The following TSC2 variants were observed in gnomAD, a reference collection of about 807,000 sequenced individuals.
TSC2 encodes the protein tuberin.
Under a neutral mutation model 202.2 loss-of-function variants are expected in TSC2, and 29 were observed. The observed-to-expected ratio is 0.14, with a 90% confidence interval of 0.11 to 0.20. The LOEUF (loss-of-function observed/expected upper bound fraction) is 0.20, where lower values mean the gene tolerates loss of function less well. TSC2 is among the 10% of genes least tolerant of loss of function. The pLI is 1.00. For missense variants in TSC2, 2,429 were observed against 2,420.0 expected (o/e 1.00, Z -0.08); for synonymous variants, 1,349 against 1,044.0 (o/e 1.29, Z -5.63).
At position 2,067,675 on chromosome 16, in the gene TSC2, C is replaced by T. The variant is rs187901779; in HGVS notation, c.1716+2040C>T. ...GTCCCAGCTACTCGGGAGGCTGAGG[C>T]AGGAGAATCACTTGAACCCATGAGG... On this transcript the variant is annotated intron_variant, in intron 16 of 41. Coordinates refer to ENST00000219476, the MANE Select transcript of TSC2 (RefSeq NM_000548.5). 3.3e-5 allele frequency among the ~76,000 whole-genome samples: 5 copies of T among 152,296 alleles called. No homozygotes were observed. The East Asian group carries it at 9.7e-4, about 30-fold the overall frequency.
rs45517121 is a variant in TSC2 at position 2,056,662 on chromosome 16, G to T, written c.667G>T (p.Asp223Tyr). The change falls in exon 8 of 42, where the codon GAC becomes TAC. Residue 223 changes from aspartate (D) to tyrosine (Y), a missense_variant. Transcript: ENST00000219476. ...CCACCAGGTCTCCCTGCAGGTGCTG[G>T]ACGCCGTGGTCTGCTACAACTGCCT... Reference protein sequence around the residue: ...VDIEVSLQVLDAVVCYNCLPA... With the variant: ...VDIEVSLQVLYAVVCYNCLPA... 1 of 1,611,698 alleles carries T rather than the reference G, an allele frequency of 6.2e-7. No homozygotes were observed. The highest frequency in any genetic ancestry group is 8.5e-7 in the Non-Finnish European group (1 of 1,180,016).
intron 16 of TSC2, among the ~76,000 whole-genome samples, chr16:2,069,097 G>C (rs145411689): frequency 6.6e-6 from 1 of 152,218 alleles, no homozygotes; most frequent in Non-Finnish European, 1.5e-5. Context: ...TCGAGGGTCA[G>C]AGAGTTTGCA....
At chr16:2,081,501 C>G in intron 30 of TSC2, 94 bp from the exon 31 acceptor site, 2 of 1,537,102 alleles carry the variant, frequency 1.3e-6, no homozygotes, top group Non-Finnish European at 1.8e-6. Context: ...AGCATGAGGG[C>G]AAAACCAGGG....
Position 2,088,881 on chromosome 16 carries a change from G to GCACACACACACA in TSC2, c.*278_*289dup, listed in dbSNP as rs56279647. On this transcript the variant is annotated 3_prime_UTR_variant, in exon 42 of 42. Coordinates refer to ENST00000219476, the MANE Select transcript of TSC2 (RefSeq NM_000548.5). Reference sequence around the variant, plus strand: ...ACAGCACACTCGCGCGTGCGCGCGCGCACACACACACACACACAGTCACCT... The same window carrying GCACACACACACA: ...ACAGCACACTCGCGCGTGCGCGCGCGCACACACACACACACACACACACACACACAGTCACCT... The GCACACACACACA allele has an allele frequency of 1.9e-5, 8 of 421,378 alleles. No individual in the cohort carries two copies. The highest frequency in any genetic ancestry group is 4.2e-5 in the East Asian group (1 of 23,842). The allele number at this position is 421,378 out of a possible 1,614,324, so 26.1% of individuals were successfully genotyped here.
At chr16:2,057,001 C>A in intron 8 of TSC2, 104 bp from the exon 9 acceptor site, 2 of 1,474,546 alleles carry the variant, frequency 1.4e-6, no homozygotes, top group Middle Eastern at 2.3e-4. Flanking sequence ...GCTGGCCGGA[C>A]CTTGGGTGGC....
At position 2,054,409 on chromosome 16, in the gene TSC2, G is replaced by A. The variant is rs372000734; in HGVS notation, c.450G>A (p.Gly150=). ...LEVFKALTDN[G]RHITYLEEEL... ...TTTTCAAGGCCCTCACAGACAATGGGAGACACATCACCTACTTGGAGGAAG... is the reference window on the plus strand; with the variant it reads ...TTTTCAAGGCCCTCACAGACAATGGAAGACACATCACCTACTTGGAGGAAG... The change falls in exon 5 of 42, where the codon GGG becomes GGA. Residue 150 remains glycine, a synonymous_variant. Coordinates refer to ENST00000219476, the MANE Select transcript of TSC2 (RefSeq NM_000548.5). The A allele has an allele frequency of 5.0e-6, 8 of 1,614,110 alleles. No individual in the cohort carries two copies. The African/African-American group carries it at 1.1e-4, about 22-fold the overall frequency.
At chr16:2,073,834 ATCT>A (rs1486560936) in intron 21 of TSC2, among the ~76,000 whole-genome samples, 2 of 152,260 alleles carry the variant, frequency 1.3e-5, no homozygotes, top group African/African-American at 4.8e-5. Context: ...AGCTCCGCTC[ATCT>A]TCTGCTGTCC....
intron 14 of TSC2, 137 bp downstream of exon 14, chr16:2,063,190 C>A: frequency 9.1e-7 from 1 of 1,102,090 alleles, no homozygotes; most frequent in Non-Finnish European, 1.3e-6. Flanking sequence ...CAGCCCCCAG[C>A]GTGGTCTGTT....
Position 2,057,194 on chromosome 16 carries a change from G to A in TSC2, c.848+16G>A, listed in dbSNP as rs1567411045. 1 of 1,551,630 alleles carries A rather than the reference G, an allele frequency of 6.4e-7. No homozygotes were observed. Among genetic ancestry groups the A allele is most frequent in the East Asian group, 2.4e-5 (1 of 40,926 alleles). Reference sequence around the variant, plus strand: ...TGGAGGACAGGTGAGTGTGGTGGGTGGGGCGCAGGGCAGTGGAGGCCAGCA... The same window carrying A: ...TGGAGGACAGGTGAGTGTGGTGGGTAGGGCGCAGGGCAGTGGAGGCCAGCA... On this transcript the variant is annotated intron_variant, in intron 9 of 41. Transcript: ENST00000219476.
intron 31 of TSC2, chr16:2,082,099 C>CT (rs149186159): frequency 0.021 from 12,514 of 590,462 alleles, 1,224 homozygotes; most frequent in African/African-American, 0.21. Flanking sequence ...GGCAGCCTCC[C>CT]TCCCTGCCTG....
rs1191706545 is a variant in TSC2 at position 2,088,842 on chromosome 16, G to A, written c.*232G>A. ...CACAGCCAGCTCCGAGGGCCTTGAG[G>A]CTGCCTGGGCCATACAGCACACTCG... is the stretch of plus-strand genomic sequence containing the variant. On this transcript the variant is annotated 3_prime_UTR_variant, in exon 42 of 42. Coordinates refer to ENST00000219476, the MANE Select transcript of TSC2 (RefSeq NM_000548.5). 11 of 592,436 alleles carry A rather than the reference G, an allele frequency of 1.9e-5. No homozygotes were observed. Among genetic ancestry groups the A allele is most frequent in the Non-Finnish European group, 2.7e-5 (9 of 336,624 alleles). 36.7% of individuals were successfully genotyped at this position (592,436 alleles called of 1,614,324 possible).
rs587778729 is a variant in TSC2 at position 2,065,519 on chromosome 16, G to A, written c.1600G>A (p.Val534Met). 3 of 1,612,878 alleles carry A rather than the reference G, an allele frequency of 1.9e-6. No homozygotes were observed. The highest frequency in any genetic ancestry group is 1.7e-5 in the Admixed American group (1 of 59,982). Reference sequence around the variant, plus strand: ...GTAAGTCCTGGCCTTCTCTTCAAAGGTGATGGCCCGCTCCCTCTCCCCACC... The same window carrying A: ...GTAAGTCCTGGCCTTCTCTTCAAAGATGATGGCCCGCTCCCTCTCCCCACC... ...FNSLLDIIEK[V>M]MARSLSPPPE... Residue 534 changes from valine (V) to methionine (M), a missense_variant and splice_region_variant, in exon 16 of 42, where the codon GTG (valine) becomes ATG (methionine). Physicochemically the swap from Val to Met is conservative, Grantham distance 21 (BLOSUM62 1). Coordinates refer to ENST00000219476, the MANE Select transcript of TSC2 (RefSeq NM_000548.5).
chr16:2,083,515 G>T (rs1244651443), intron 32 of TSC2, 180 bp from the exon 33 acceptor site: 2 of 1,079,066 alleles, frequency 1.9e-6, no homozygotes, highest in Non-Finnish European at 2.7e-6. Context: ...TCGGGGTCAC[G>T]TGCAGGCCTT....
In TSC2 at chr16:2,064,422, G is replaced by C. The variant is rs149222396; in HGVS notation, c.1594G>C (p.Glu532Gln). The C allele has an allele frequency of 1.1e-5, 18 of 1,613,426 alleles. No individual in the cohort carries two copies. The highest frequency in any genetic ancestry group is 1.4e-5 in the Non-Finnish European group (16 of 1,180,022). ...CTTCAACAGCCTGCTGGACATCATC[G>C]AGAAGGTGAGAGCCGTTGTACCCGG... The part of the protein sequence containing the change: ...HHFNSLLDII[E>Q]KVMARSLSPP... Residue 532 changes from glutamate (E) to glutamine (Q), a missense_variant, in exon 15 of 42, where the codon GAG (glutamate) becomes CAG (glutamine). By Grantham distance (29) the Glu-to-Gln change is conservative. Coordinates refer to ENST00000219476, the MANE Select transcript of TSC2 (RefSeq NM_000548.5).
intron 5 of TSC2, 120 bp downstream of exon 5, chr16:2,054,560 C>T: frequency 6.9e-7 from 1 of 1,451,594 alleles, no homozygotes; most frequent in Non-Finnish European, 9.6e-7. Flanking sequence ...AGCGGGTATG[C>T]CCACCCTGCT....
chr16:2,049,864 G>A (rs1277308226), intron 2 of TSC2, among the ~76,000 whole-genome samples: 1 of 150,444 alleles, frequency 6.6e-6, no homozygotes, highest in South Asian at 2.1e-4. Flanking sequence ...TTCATGTTAT[G>A]TTTTATCTCA....
At chr16:2,053,824 T>C in intron 4 of TSC2, 2 of 506,688 alleles carry the variant, frequency 3.9e-6, no homozygotes, top group South Asian at 3.1e-5. Flanking sequence ...CCATCTGTGC[T>C]GGTCTTGGCT....
At chr16:2,070,623 AG>A in intron 17 of TSC2, 45 bp downstream of exon 17, 13 of 1,612,160 alleles carry the variant, frequency 8.1e-6, no homozygotes, top group Non-Finnish European at 1.1e-5. Context: ...GGGCCCAGCC[AG>A]GTATCCCCGT....
At chr16:2,054,128 CT>C in intron 4 of TSC2, 167 bp from the exon 5 acceptor site, 1 of 1,096,328 alleles carries the variant, frequency 9.1e-7, no homozygotes, top group South Asian at 1.3e-5. Context: ...ATCCGGCCCC[CT>C]GCCCTGTACA....
Sources: allele counts gnomAD v4.1 joint callset (sites outside exome capture counted in the v4.1 genomes callset), GRCh38; gene constraint gnomAD v4.1.1; transcripts MANE v1.5; gene names NCBI Gene and HGNC (gene_info 2026-07-23, HGNC 2026-07-21).